Variants in ABTB3 observed in about 807,000 individuals in gnomAD.
ABTB3 encodes the protein ankyrin repeat and BTB domain containing 3, also known as ankyrin repeat- and BTB/POZ domain-containing protein 3.
chr12:107,504,073 G>C, the ABTB3 span, among the ~76,000 whole-genome samples: 1 of 152,132 alleles, frequency 6.6e-6, no homozygotes, highest in Admixed American at 6.5e-5. Context: ...CTGGCCTTGG[G>C]AAAAAGGTGC....
At chr12:107,372,967 C>G in the ABTB3 span, among the ~76,000 whole-genome samples, 1 of 152,270 alleles carries the variant, frequency 6.6e-6, no homozygotes, top group Non-Finnish European at 1.5e-5. Flanking sequence ...CTAGACAATT[C>G]TTTCTTGTGA....
chr12:107,417,389 C>T, the ABTB3 span, among the ~76,000 whole-genome samples: 1 of 152,328 alleles, frequency 6.6e-6, no homozygotes, highest in Middle Eastern at 3.4e-3. Flanking sequence ...GTCTCTCTCT[C>T]TGTTTCTCAT....
chr12:107,487,079 C>G, the ABTB3 span, among the ~76,000 whole-genome samples: 2 of 152,188 alleles, frequency 1.3e-5, no homozygotes, highest in African/African-American at 4.8e-5. Context: ...GAATCCATGT[C>G]TGTCCCCAGT....
the ABTB3 span, among the ~76,000 whole-genome samples, chr12:107,388,412 C>T: frequency 6.6e-6 from 1 of 151,228 alleles, no homozygotes; most frequent in Non-Finnish European, 1.5e-5. Context: ...TTTTCCTCTC[C>T]TCTCTTTCTC....
At chr12:107,393,819 A>G in the ABTB3 span, among the ~76,000 whole-genome samples, 2 of 152,176 alleles carry the variant, frequency 1.3e-5, no homozygotes, top group South Asian at 2.1e-4. Flanking sequence ...AGTCCCAGCT[A>G]CTCAGGAGGC....
chr12:107,433,731 AAGAT>A, the ABTB3 span, among the ~76,000 whole-genome samples: 1 of 152,210 alleles, frequency 6.6e-6, no homozygotes, highest in African/African-American at 2.4e-5. Context: ...CAAGAAAACT[AAGAT>A]AGCCAATAAA....
At chr12:107,572,553 A>T in the ABTB3 span, among the ~76,000 whole-genome samples, 6 of 152,142 alleles carry the variant, frequency 3.9e-5, no homozygotes, top group African/African-American at 1.4e-4. Context: ...ATCCAGGCTG[A>T]TGCTCCAGGA....
At chr12:107,487,883 T>C in the ABTB3 span, among the ~76,000 whole-genome samples, 2 of 151,728 alleles carry the variant, frequency 1.3e-5, no homozygotes, top group East Asian at 3.9e-4. Context: ...AGGGGTGACA[T>C]TGGCAACAAG....
the ABTB3 span, among the ~76,000 whole-genome samples, chr12:107,392,133 A>C: frequency 1.3e-5 from 2 of 152,184 alleles, no homozygotes; most frequent in African/African-American, 4.8e-5. Context: ...GCACACAGTA[A>C]GTGCTTAACA....
chr12:107,606,787 GTCAAA>G, the ABTB3 span, among the ~76,000 whole-genome samples: 1 of 152,138 alleles, frequency 6.6e-6, no homozygotes, highest in Non-Finnish European at 1.5e-5. Flanking sequence ...TCTATAGTGA[GTCAAA>G]TCTGATACCT....
the ABTB3 span, among the ~76,000 whole-genome samples, chr12:107,572,214 G>A: frequency 1.3e-5 from 2 of 152,064 alleles, no homozygotes; most frequent in Non-Finnish European, 2.9e-5. Context: ...GATAAAGACT[G>A]GAGTGACTAG....
the ABTB3 span, among the ~76,000 whole-genome samples, chr12:107,474,250 G>A: frequency 9.5e-3 from 1,453 of 152,262 alleles, 35 homozygotes; most frequent in African/African-American, 0.033. Context: ...CCACTGGCCC[G>A]TGTTTATTGA....
chr12:107,321,034 G>A, the ABTB3 span, among the ~76,000 whole-genome samples: 1 of 152,332 alleles, frequency 6.6e-6, no homozygotes. Flanking sequence ...TCGCGCTGGC[G>A]GTGCTGCCCG....
chr12:107,429,663 C>T, the ABTB3 span, among the ~76,000 whole-genome samples: 1 of 152,202 alleles, frequency 6.6e-6, no homozygotes, highest in Non-Finnish European at 1.5e-5. Flanking sequence ...GATTCGTTTT[C>T]TCCAGGGCTC....
At chr12:107,360,605 A>G in the ABTB3 span, among the ~76,000 whole-genome samples, 5 of 152,204 alleles carry the variant, frequency 3.3e-5, no homozygotes, top group Non-Finnish European at 7.3e-5. Flanking sequence ...AGTCTGAGCA[A>G]TCAGCCTTTA....
the ABTB3 span, among the ~76,000 whole-genome samples, chr12:107,495,075 G>A: frequency 4.6e-5 from 7 of 152,150 alleles, no homozygotes; most frequent in South Asian, 2.1e-4. Context: ...GACGCCCAGC[G>A]CCCAAGGAGT....
At chr12:107,546,879 T>C in the ABTB3 span, among the ~76,000 whole-genome samples, 2 of 152,048 alleles carry the variant, frequency 1.3e-5, no homozygotes, top group Non-Finnish European at 2.9e-5. Context: ...TAAATTTAAA[T>C]TAAATTTAAA....
chr12:107,522,058 T>C, the ABTB3 span, among the ~76,000 whole-genome samples: 1 of 152,014 alleles, frequency 6.6e-6, no homozygotes, highest in African/African-American at 2.4e-5. Flanking sequence ...GTGAGGTCTC[T>C]CTTCCTGGCT....
the ABTB3 span, among the ~76,000 whole-genome samples, chr12:107,436,753 C>A: frequency 1.5e-4 from 23 of 152,132 alleles, no homozygotes; most frequent in Non-Finnish European, 3.1e-4. Flanking sequence ...TGCTTATTAG[C>A]GCACAGCCGA....
Sources: gnomAD v4.1 joint callset for allele counts (sites outside exome capture counted in the v4.1 genomes callset) on GRCh38, gnomAD v4.1.1 for gene constraint, MANE v1.5 for transcripts, NCBI Gene and HGNC (gene_info 2026-07-23, HGNC 2026-07-21) for gene names.